The following ARHGAP26 variants were observed in gnomAD, a reference collection of about 807,000 sequenced individuals.
ARHGAP26 encodes Rho GTPase activating protein 26.
A neutral mutation model predicts 104.8 loss-of-function variants in ARHGAP26; 38 were observed. The observed-to-expected ratio is 0.36, with a 90% CI of 0.28 to 0.48. The LOEUF (loss-of-function observed/expected upper bound fraction) is 0.48. ARHGAP26 is among the 20% of genes least tolerant of loss of function. ARHGAP26 has a pLI of 0.99. For synonymous variants in ARHGAP26, 341 were observed against 340.0 expected (o/e 1.00, Z -0.03); for missense variants, 704 against 947.9 (o/e 0.74, Z 3.38).
At chr5:142,850,993 G>A (rs928712443) in intron 1 of ARHGAP26, among the ~76,000 whole-genome samples, 1 of 152,270 alleles carries the variant, frequency 6.6e-6, no homozygotes, top group Non-Finnish European at 1.5e-5. Context: ...TCTGAGACAC[G>A]AATAGTTTAC....
At chr5:143,185,007 C>G (rs1385076845) in intron 20 of ARHGAP26, among the ~76,000 whole-genome samples, 1 of 151,960 alleles carries the variant, frequency 6.6e-6, no homozygotes, top group Non-Finnish European at 1.5e-5. Context: ...GGATTTTTAC[C>G]CCTGTATTAT....
chr5:142,843,252 G>A (rs1723691957), intron 1 of ARHGAP26, among the ~76,000 whole-genome samples: 1 of 152,204 alleles, frequency 6.6e-6, no homozygotes, highest in Non-Finnish European at 1.5e-5. Context: ...TGCTGCTGCT[G>A]TTGCTTCCCA....
chr5:143,000,098 T>TTGACAA (rs1202828821), intron 11 of ARHGAP26, among the ~76,000 whole-genome samples: 45 of 152,294 alleles, frequency 3.0e-4, no homozygotes, highest in African/African-American at 9.9e-4. Flanking sequence ...AAGTAGAAGA[T>TTGACAA]TGACAACACA....
chr5:143,193,584 C>T (rs534961866), intron 20 of ARHGAP26, among the ~76,000 whole-genome samples: 1 of 152,074 alleles, frequency 6.6e-6, no homozygotes, highest in Non-Finnish European at 1.5e-5. Context: ...CCTTACTTTA[C>T]TTAACAGTGG....
intron 20 of ARHGAP26, among the ~76,000 whole-genome samples, chr5:143,176,204 A>G: frequency 6.6e-6 from 1 of 152,240 alleles, no homozygotes; most frequent in East Asian, 1.9e-4. Flanking sequence ...TCTCTTAGCC[A>G]GAGATTAGCC....
At chr5:142,832,778 T>C (rs1256176348) in intron 1 of ARHGAP26, among the ~76,000 whole-genome samples, 1 of 152,158 alleles carries the variant, frequency 6.6e-6, no homozygotes, top group Admixed American at 6.5e-5. Context: ...GAAAGAGAAA[T>C]GATTCAGTGG....
rs532777404 is a variant in ARHGAP26 at position 142,927,376 on chromosome 5, G to A, written c.1029-4671G>A. Among the ~76,000 whole-genome samples the A allele has an allele frequency of 2.0e-5, 3 of 151,300 alleles. No homozygotes were observed. In the South Asian group the frequency reaches 6.3e-4, roughly 32 times the overall value. ...TCTTCTGACTTCTGTTGCCATAGAT[G>A]AGTTTTGCAAGTATTTGAACATCAT... On this transcript the variant is annotated intron_variant, in intron 10 of 22. Coordinates refer to ENST00000645722, the MANE Select transcript of ARHGAP26 (RefSeq NM_001135608.3).
At chr5:143,050,163 A>G (rs1363127366) in intron 14 of ARHGAP26, among the ~76,000 whole-genome samples, 1 of 152,156 alleles carries the variant, frequency 6.6e-6, no homozygotes, top group African/African-American at 2.4e-5. Flanking sequence ...GATTTTCCTC[A>G]GGCCTTCATC....
At chr5:142,850,756 A>G (rs1342704060) in intron 1 of ARHGAP26, among the ~76,000 whole-genome samples, 1 of 152,210 alleles carries the variant, frequency 6.6e-6, no homozygotes, top group Non-Finnish European at 1.5e-5. Flanking sequence ...TTCAGTCTGC[A>G]TACATTTTAG....
intron 1 of ARHGAP26, among the ~76,000 whole-genome samples, chr5:142,800,372 T>TG (rs1018015138): frequency 3.3e-5 from 5 of 151,308 alleles, no homozygotes; most frequent in African/African-American, 1.2e-4. Flanking sequence ...TCTTTGTCTT[T>TG]TTTTTTTTTT....
At chr5:142,835,047 G>T (rs376674038) in intron 1 of ARHGAP26, among the ~76,000 whole-genome samples, 3 of 152,188 alleles carry the variant, frequency 2.0e-5, no homozygotes, top group Non-Finnish European at 4.4e-5. Context: ...GCTAGTAGGG[G>T]ATGTATTGTC....
intron 20 of ARHGAP26, among the ~76,000 whole-genome samples, chr5:143,188,589 G>A (rs758824697): frequency 5.3e-5 from 8 of 152,322 alleles, no homozygotes; most frequent in Non-Finnish European, 8.8e-5. Flanking sequence ...GTTGGAAGAA[G>A]GAAGAGCTGA....
At chr5:142,969,406 C>T (rs923765041) in intron 11 of ARHGAP26, 6 of 152,150 alleles carry the variant, frequency 3.9e-5, no homozygotes, top group African/African-American at 1.4e-4. Flanking sequence ...TCCATCTGGC[C>T]AGGTATTTGC....
At chr5:143,005,034 C>T (rs562220270) in intron 11 of ARHGAP26, among the ~76,000 whole-genome samples, 56 of 152,252 alleles carry the variant, frequency 3.7e-4, no homozygotes, top group African/African-American at 1.2e-3. Context: ...CATTTTTCTC[C>T]TTCACTCTAG....
At chr5:143,025,073 G>A (rs1382815624) in intron 12 of ARHGAP26, among the ~76,000 whole-genome samples, 1 of 152,078 alleles carries the variant, frequency 6.6e-6, no homozygotes, top group African/African-American at 2.4e-5. Context: ...ATTAAATGTT[G>A]CGCTTTATTC....
intron 14 of ARHGAP26, among the ~76,000 whole-genome samples, chr5:143,043,064 T>C (rs894112618): frequency 6.6e-6 from 1 of 152,226 alleles, no homozygotes; most frequent in African/African-American, 2.4e-5. Context: ...CTCAGTCTCC[T>C]CTAAAGGTAA....
intron 22 of ARHGAP26, among the ~76,000 whole-genome samples, chr5:143,214,966 C>T (rs1810112487): frequency 6.6e-6 from 1 of 152,244 alleles, no homozygotes; most frequent in Non-Finnish European, 1.5e-5. Flanking sequence ...GAACAGCCAG[C>T]CCAGCCACCT....
At chr5:142,800,618 T>A (rs550613644) in intron 1 of ARHGAP26, among the ~76,000 whole-genome samples, 6 of 152,298 alleles carry the variant, frequency 3.9e-5, no homozygotes, top group Admixed American at 1.3e-4. Context: ...CCACTCAGCC[T>A]CCCAAAGTGC....
chr5:143,182,654 G>C lies in ARHGAP26; in HGVS notation c.1989-24544G>C, dbSNP rs186948804. On this transcript the variant is annotated intron_variant, in intron 20 of 22. Coordinates refer to ENST00000645722, the MANE Select transcript of ARHGAP26 (RefSeq NM_001135608.3). ...TTGTCTACTCTAGCTAATTGGCCTA[G>C]GAGATAATTCACATAACAATTGATT... Among the ~76,000 whole-genome samples, 457 of 152,286 alleles carry C rather than the reference G, an allele frequency of 3.0e-3. 5 individuals are homozygous for C. Among genetic ancestry groups the C allele is most frequent in the African/African-American group, 0.01 (430 of 41,538 alleles).
Sources: allele counts gnomAD v4.1 joint callset (sites outside exome capture counted in the v4.1 genomes callset), GRCh38; gene constraint gnomAD v4.1.1; transcripts MANE v1.5; gene names NCBI Gene and HGNC (gene_info 2026-07-23, HGNC 2026-07-21).